The following AGPAT3 variants were observed in gnomAD, a reference collection of about 807,000 sequenced individuals.
The protein encoded by AGPAT3 is 1-acyl-sn-glycerol-3-phosphate acyltransferase gamma.
In AGPAT3, 5 loss-of-function variants were observed where a neutral mutation model predicts 47.3. That is an observed-to-expected ratio of 0.11 (90% CI 0.06 to 0.22). AGPAT3 has a LOEUF of 0.22. Ranked by LOEUF, AGPAT3 falls within the 10% of genes least tolerant of loss-of-function variation. The pLI is 1.00. For missense variants in AGPAT3, 315 were observed against 493.0 expected, an observed-to-expected ratio of 0.64 and a Z score of 3.42; for synonymous variants, 212 against 208.3, an observed-to-expected ratio of 1.02 and a Z score of -0.15.
rs1053418644 is a variant in AGPAT3, at chr21:43,895,641, G to A, written c.-111-8316G>A. On this transcript the variant is annotated intron_variant, in intron 1 of 9. Coordinates refer to ENST00000291572, the MANE Select transcript of AGPAT3 (RefSeq NM_020132.5). ...GAGTCTCTGTCACCCAGGCTGGAGT[G>A]CAGTGGTGCGATCTTGGCTCGCTGC... 4.6e-5 allele frequency among the ~76,000 whole-genome samples: 7 copies of A among 151,798 alleles called. No homozygotes were observed. In the South Asian group the frequency reaches 1.5e-3, roughly 32 times the overall value.
chr21:43,935,086 G>A (rs2087393704), intron 2 of AGPAT3, among the ~76,000 whole-genome samples: 1 of 152,260 alleles, frequency 6.6e-6, no homozygotes, highest in Non-Finnish European at 1.5e-5. Context: ...TGTGGAGGCT[G>A]GACAGGGGGG....
Position 43,972,735 on chromosome 21 carries a change from G to C in AGPAT3, c.767+1245G>C, listed in dbSNP as rs186888561. ...GAAATCCTGTTGACTTAAAACACAGGCTGGGGTTGTGACCTTGATTCCAGC... is the reference window on the plus strand; with the variant it reads ...GAAATCCTGTTGACTTAAAACACAGCCTGGGGTTGTGACCTTGATTCCAGC... On this transcript the variant is annotated intron_variant, in intron 7 of 9. Coordinates refer to ENST00000291572, the MANE Select transcript of AGPAT3 (RefSeq NM_020132.5). 7.2e-5 allele frequency among the ~76,000 whole-genome samples: 11 copies of C among 152,302 alleles called. No individual in the cohort carries two copies. In the East Asian group the frequency reaches 1.5e-3, roughly 21 times the overall value.
At chr21:43,890,623 G>A (rs940533829) in intron 1 of AGPAT3, among the ~76,000 whole-genome samples, 8 of 151,720 alleles carry the variant, frequency 5.3e-5, no homozygotes, top group African/African-American at 1.9e-4. Flanking sequence ...ACCCTGCCCA[G>A]GCTGAACTTG....
chr21:43,979,391 T>A (rs2089761214), intron 8 of AGPAT3, among the ~76,000 whole-genome samples: 1 of 148,276 alleles, frequency 6.7e-6, no homozygotes, highest in South Asian at 2.1e-4. Context: ...TGAGACTCGG[T>A]CCTGGGCCTG....
intron 1 of AGPAT3, among the ~76,000 whole-genome samples, chr21:43,887,424 G>T (rs905399729): frequency 6.6e-6 from 1 of 152,192 alleles, no homozygotes; most frequent in African/African-American, 2.4e-5. Flanking sequence ...ACTAATAGAT[G>T]ATATCAGGGA....
chr21:43,899,277 C>CCAAG (rs2086297382), intron 1 of AGPAT3, among the ~76,000 whole-genome samples: 1 of 152,190 alleles, frequency 6.6e-6, no homozygotes, highest in Non-Finnish European at 1.5e-5. Context: ...TTGATGTCAG[C>CCAAG]CTCTGCTTGG....
Position 43,986,282 on chromosome 21 carries a change from G to A in AGPAT3, c.*3890G>A, listed in dbSNP as rs2030291364. ...AAACTGCTCGGGAAATAGAATGACG[G>A]GAACACTTTTAGGGAGCCCAGGAAG... On this transcript the variant is annotated 3_prime_UTR_variant, in exon 10 of 10. Transcript: ENST00000291572. 1 of 152,234 alleles carries A rather than the reference G, an allele frequency of 6.6e-6. No homozygotes were observed. Among genetic ancestry groups the A allele is most frequent in the Admixed American group, 6.5e-5 (1 of 15,280 alleles). The allele number at this position is 152,234 out of a possible 1,614,324, so 9.4% of individuals were successfully genotyped here.
At chr21:43,905,973 G>A (rs577593612) in intron 2 of AGPAT3, among the ~76,000 whole-genome samples, 34 of 152,340 alleles carry the variant, frequency 2.2e-4, no homozygotes, top group African/African-American at 7.7e-4. Context: ...GGGAGAAACC[G>A]GCCAAGGCGC....
chr21:43,956,124 G>T (rs1364581336), intron 2 of AGPAT3, among the ~76,000 whole-genome samples: 1 of 152,124 alleles, frequency 6.6e-6, no homozygotes, highest in African/African-American at 2.4e-5. Context: ...GCCAGGTGGG[G>T]GCCAGGTGAT....
chr21:43,959,280 ATG>A (rs1274994401), intron 2 of AGPAT3, among the ~76,000 whole-genome samples: 4 of 92,514 alleles, frequency 4.3e-5, no homozygotes, highest in East Asian at 3.6e-4. Flanking sequence ...TGTGTGTGGC[ATG>A]TGTGGGGTTT....
intron 2 of AGPAT3, among the ~76,000 whole-genome samples, chr21:43,905,147 T>TA (rs1487194313): frequency 6.8e-6 from 1 of 147,054 alleles, no homozygotes; most frequent in Non-Finnish European, 1.5e-5. Flanking sequence ...TCTCTTTTTT[T>TA]AAAAAAAATA....
At chr21:43,916,029 A>C (rs1234852979) in intron 2 of AGPAT3, among the ~76,000 whole-genome samples, 1 of 152,212 alleles carries the variant, frequency 6.6e-6, no homozygotes, top group Non-Finnish European at 1.5e-5. Context: ...ATATCTAAGA[A>C]GATAATGTTT....
intron 1 of AGPAT3, among the ~76,000 whole-genome samples, chr21:43,899,015 C>T (rs2086292304): frequency 6.6e-6 from 1 of 152,240 alleles, no homozygotes; most frequent in African/African-American, 2.4e-5. Context: ...TCTGCCCGGC[C>T]TGATTACATT....
At chr21:43,946,395 T>C (rs1419033866) in intron 2 of AGPAT3, among the ~76,000 whole-genome samples, 1 of 151,432 alleles carries the variant, frequency 6.6e-6, no homozygotes, top group Non-Finnish European at 1.5e-5. Flanking sequence ...AGGTCAAGAG[T>C]TCGAGATCAG....
In AGPAT3 at chr21:43,933,493, T is replaced by C. The variant is rs1345170520; in HGVS notation, c.-48-26141T>C. Reference sequence around the variant, plus strand: ...TTTGGGAATATCGATGATGTCATCATACTCCTGGCTGCTTCTTGACATTTT... The same window carrying C: ...TTTGGGAATATCGATGATGTCATCACACTCCTGGCTGCTTCTTGACATTTT... On this transcript the variant is annotated intron_variant, in intron 2 of 9. Coordinates refer to ENST00000291572, the MANE Select transcript of AGPAT3 (RefSeq NM_020132.5). This position sits in a 1 kb window ranked among gnomAD's most constrained non-coding sequence, Gnocchi z 6.0. Among the ~76,000 whole-genome samples, 3 of 152,204 alleles carry C rather than the reference T, an allele frequency of 2.0e-5. No homozygotes were observed. The highest frequency in any genetic ancestry group is 4.4e-5 in the Non-Finnish European group (3 of 68,040).
At chr21:43,938,394 G>C (rs957332828) in intron 2 of AGPAT3, among the ~76,000 whole-genome samples, 14 of 128,638 alleles carry the variant, frequency 1.1e-4, no homozygotes, top group South Asian at 2.4e-4. Flanking sequence ...TGTAACCTCT[G>C]CCTCCCGAGT....
intron 1 of AGPAT3, among the ~76,000 whole-genome samples, chr21:43,891,540 G>GCTACTC (rs2086102529): frequency 6.6e-6 from 1 of 152,070 alleles, no homozygotes; most frequent in African/African-American, 2.4e-5. Context: ...GGCTGAGGAA[G>GCTACTC]GAGAATGGCG....
intron 5 of AGPAT3, 127 bp downstream of exon 5, chr21:43,969,406 C>A: frequency 1.6e-6 from 2 of 1,228,306 alleles, no homozygotes; most frequent in Non-Finnish European, 1.1e-6. Context: ...GTGCTGTTTC[C>A]ATGGGGCCAT....
At chr21:43,912,102 T>C (rs967974601) in intron 2 of AGPAT3, among the ~76,000 whole-genome samples, 1 of 152,234 alleles carries the variant, frequency 6.6e-6, no homozygotes, top group Non-Finnish European at 1.5e-5. Flanking sequence ...AGGCTCAGCT[T>C]GAGCATTGCC....
Sources: allele counts gnomAD v4.1 joint callset (sites outside exome capture counted in the v4.1 genomes callset), GRCh38; gene constraint gnomAD v4.1.1; non-coding constraint Gnocchi (gnomAD v3.1); transcripts MANE v1.5; gene names NCBI Gene and HGNC (gene_info 2026-07-23, HGNC 2026-07-21).